The following VRK1 variants were observed in gnomAD, a reference collection of about 807,000 sequenced individuals.
VRK1 encodes serine/threonine-protein kinase VRK1.
In VRK1, 33 loss-of-function variants were observed where a neutral mutation model predicts 57.1. That is an observed-to-expected ratio of 0.58 (90% CI 0.44 to 0.77). The LOEUF is 0.77. Among genes scored for constraint, VRK1 ranks in the 30% least tolerant of loss-of-function variants. The pLI, the probability that VRK1 is intolerant of heterozygous loss-of-function variation, is 0.00. For missense variants in VRK1, 413 were observed against 477.3 expected, an observed-to-expected ratio of 0.87 and a Z score of 1.25; for synonymous variants, 137 against 147.8, an observed-to-expected ratio of 0.93 and a Z score of 0.53.
At chr14:96,866,624 C>T (rs895370355) in intron 11 of VRK1, among the ~76,000 whole-genome samples, 3 of 152,136 alleles carry the variant, frequency 2.0e-5, no homozygotes, top group African/African-American at 7.2e-5. Flanking sequence ...TTTGGGGAGT[C>T]ACTGGGGAGT....
intron 5 of VRK1, among the ~76,000 whole-genome samples, chr14:96,851,322 G>A (rs1464881706): frequency 6.6e-6 from 1 of 151,954 alleles, no homozygotes; most frequent in Non-Finnish European, 1.5e-5. Flanking sequence ...TGTGTTTTTA[G>A]TAGAGACGGG....
intron 1 of VRK1, among the ~76,000 whole-genome samples, chr14:96,809,502 G>T (rs1886075471): frequency 6.6e-6 from 1 of 150,604 alleles, no homozygotes; most frequent in South Asian, 2.1e-4. Context: ...TTTTGGTTGG[G>T]TATATATGTA....
chr14:96,813,778 T>C (rs1886293317), intron 1 of VRK1, among the ~76,000 whole-genome samples: 1 of 152,200 alleles, frequency 6.6e-6, no homozygotes, highest in African/African-American at 2.4e-5. Context: ...AGACTTCTTG[T>C]TTTGCACATG....
chr14:96,813,972 A>T (rs1886300580), intron 1 of VRK1, among the ~76,000 whole-genome samples: 1 of 152,148 alleles, frequency 6.6e-6, no homozygotes, highest in Non-Finnish European at 1.5e-5. Context: ...TTATCCTAAG[A>T]ATTAGAGATA....
chr14:96,839,201 T>C (rs1046278629), intron 3 of VRK1, among the ~76,000 whole-genome samples: 1 of 152,052 alleles, frequency 6.6e-6, no homozygotes, highest in Non-Finnish European at 1.5e-5. Context: ...AACGTTTTAA[T>C]GGTTCATCCA....
At chr14:96,845,569 G>GTGCA (rs1887650000) in intron 3 of VRK1, among the ~76,000 whole-genome samples, 1 of 152,198 alleles carries the variant, frequency 6.6e-6, no homozygotes, top group African/African-American at 2.4e-5. Flanking sequence ...TTAGTGGACA[G>GTGCA]TGCATGCTTG....
chr14:96,876,268 T>A, intron 12 of VRK1, 148 bp downstream of exon 12: 1 of 747,378 alleles, frequency 1.3e-6, no homozygotes, highest in Non-Finnish European at 2.4e-6. Context: ...GTATTGTGTC[T>A]TTTGTACACA....
At chr14:96,825,276 A>G (rs918005767) in intron 1 of VRK1, among the ~76,000 whole-genome samples, 6 of 152,190 alleles carry the variant, frequency 3.9e-5, no homozygotes, top group Admixed American at 6.5e-5. Flanking sequence ...AGAGTAGGTC[A>G]TCTGTTGATA....
chr14:96,842,604 T>TG (rs1887509725), intron 3 of VRK1, among the ~76,000 whole-genome samples: 1 of 152,230 alleles, frequency 6.6e-6, no homozygotes, highest in Non-Finnish European at 1.5e-5. Context: ...AGAAAAAACT[T>TG]GCAAATGTTA....
chr14:96,874,816 A>T (rs907923584), intron 11 of VRK1, among the ~76,000 whole-genome samples: 2 of 152,240 alleles, frequency 1.3e-5, no homozygotes, highest in African/African-American at 4.8e-5. Flanking sequence ...TTTCCCATGT[A>T]GTTCTCTTTG....
At chr14:96,835,616 AT>A (rs1438192748) in intron 2 of VRK1, among the ~76,000 whole-genome samples, 1 of 152,206 alleles carries the variant, frequency 6.6e-6, no homozygotes, top group East Asian at 1.9e-4. Flanking sequence ...TAAAACTTGT[AT>A]CATCATCATT....
At chr14:96,837,301 T>A (rs374181899) in intron 2 of VRK1, among the ~76,000 whole-genome samples, 14 of 152,344 alleles carry the variant, frequency 9.2e-5, no homozygotes, top group African/African-American at 2.6e-4. Flanking sequence ...CCTGAACTAT[T>A]GGTTCAGGTG....
chr14:96,827,736 T>A (rs1368314835), intron 1 of VRK1, among the ~76,000 whole-genome samples: 1 of 152,220 alleles, frequency 6.6e-6, no homozygotes, highest in Non-Finnish European at 1.5e-5. Flanking sequence ...AATAATTTTT[T>A]ATTTATGTTA....
At chr14:96,849,927 A>G (rs1887882945) in intron 5 of VRK1, among the ~76,000 whole-genome samples, 1 of 152,160 alleles carries the variant, frequency 6.6e-6, no homozygotes, top group Non-Finnish European at 1.5e-5. Flanking sequence ...AGTGGGTCCA[A>G]GGTTGACTCT....
chr14:96,869,426 C>T (rs1273149496), intron 11 of VRK1, among the ~76,000 whole-genome samples: 5 of 152,024 alleles, frequency 3.3e-5, no homozygotes, highest in Non-Finnish European at 5.9e-5. Flanking sequence ...GTATTAGGCA[C>T]ATGTGAATGA....
chr14:96,874,887 T>C (rs1888964937), intron 11 of VRK1, among the ~76,000 whole-genome samples: 2 of 152,234 alleles, frequency 1.3e-5, no homozygotes, highest in South Asian at 4.1e-4. Flanking sequence ...GGCATTATCC[T>C]CTTTTCTAGC....
chr14:96,823,825 A>G (rs1008975057), intron 1 of VRK1, among the ~76,000 whole-genome samples: 3 of 152,200 alleles, frequency 2.0e-5, no homozygotes, highest in Non-Finnish European at 4.4e-5. Context: ...ACTGTCCTCA[A>G]GATTCATCTG....
In VRK1 at chr14:96,852,879, A is replaced by C; in HGVS notation, c.423A>C (p.Ile141=). ...GCTTTGGGAGTGACCTTCAGAAAAT[A>C]TATGAAGCAAATGCCAAAAGGTTTT... ...MDRFGSDLQK[I]YEANAKRFSR... is the part of the protein sequence containing the mutation. Residue 141 remains isoleucine, a synonymous_variant, in exon 6 of 13, where the codon ATA becomes ATC. Transcript: ENST00000216639. 1 of 1,613,922 alleles carries C rather than the reference A, an allele frequency of 6.2e-7. No homozygotes were observed. The highest frequency in any genetic ancestry group is 8.5e-7 in the Non-Finnish European group (1 of 1,179,872).
At chr14:96,800,310 C>G (rs1190304135) in intron 1 of VRK1, among the ~76,000 whole-genome samples, 1 of 152,128 alleles carries the variant, frequency 6.6e-6, no homozygotes, top group Non-Finnish European at 1.5e-5. Context: ...ATTTCATGCA[C>G]TTTCCCAATT....
Sources: allele counts gnomAD v4.1 joint callset (sites outside exome capture counted in the v4.1 genomes callset), GRCh38; gene constraint gnomAD v4.1.1; transcripts MANE v1.5; gene names NCBI Gene and HGNC (gene_info 2026-07-23, HGNC 2026-07-21).